Variants in SIAH1 observed in about 807,000 individuals in gnomAD.
SIAH1 encodes E3 ubiquitin-protein ligase SIAH1.
In SIAH1, 2 loss-of-function variants were observed where a neutral mutation model predicts 20.0. The observed-to-expected ratio is 0.10, with a 90% CI of 0.04 to 0.31. The LOEUF (loss-of-function observed/expected upper bound fraction) is 0.31, where lower values mean the gene tolerates loss of function less well. Ranked by LOEUF, SIAH1 falls within the 10% of genes least tolerant of loss-of-function variation. SIAH1 has a pLI of 1.00. For synonymous variants in SIAH1, 118 were observed against 125.3 expected, an observed-to-expected ratio of 0.94 and a Z score of 0.39; for missense variants, 119 against 355.3, an observed-to-expected ratio of 0.33 and a Z score of 5.35.
intron 1 of SIAH1, among the ~76,000 whole-genome samples, chr16:48,381,259 CA>C (rs1961283053): frequency 6.6e-6 from 1 of 152,142 alleles, no homozygotes; most frequent in Non-Finnish European, 1.5e-5. Context: ...GCACGAGAAT[CA>C]CTTGAACCCA....
chr16:48,377,662 C>G (rs541674865), intron 1 of SIAH1, among the ~76,000 whole-genome samples: 1 of 151,980 alleles, frequency 6.6e-6, no homozygotes, highest in African/African-American at 2.4e-5. Context: ...CCCCAAAGTG[C>G]TGGGATTACA....
upstream of SIAH1, among the ~76,000 whole-genome samples, chr16:48,386,795 G>A (rs112568088): frequency 6.5e-3 from 991 of 152,300 alleles, 11 homozygotes; most frequent in African/African-American, 0.023. Context: ...GGGCAGAGGA[G>A]TTCTGTCCTG....
chr16:48,384,447 G>A (rs1281637448), intron 1 of SIAH1, among the ~76,000 whole-genome samples: 1 of 152,162 alleles, frequency 6.6e-6, no homozygotes, highest in Non-Finnish European at 1.5e-5. Flanking sequence ...GGAGAGTTAA[G>A]AAAGGACCCC....
At chr16:48,372,970 A>G (rs1961022904) in intron 1 of SIAH1, among the ~76,000 whole-genome samples, 1 of 152,186 alleles carries the variant, frequency 6.6e-6, no homozygotes, top group Non-Finnish European at 1.5e-5. Context: ...CCTGCCTAAT[A>G]AACTCTGTTC....
At position 48,361,811 on chromosome 16, in the gene SIAH1, G is replaced by A. The variant is rs774602747; in HGVS notation, c.618C>T (p.Phe206=). Residue 206 remains phenylalanine, a synonymous_variant, in exon 2 of 2, where the codon TTC becomes TTT. Transcript: ENST00000394725. ...GTGTTCCTATCAGCTGTACGATTGC[G>A]AAGAACTGCTGGTGACCATCGTATT... ...QEKYDGHQQF[F]AIVQLIGTRK... 1.5e-5 allele frequency: 24 copies of A among 1,614,180 alleles called. No homozygotes were observed. The highest frequency in any genetic ancestry group is 1.2e-4 in the South Asian group (11 of 91,074).
intron 1 of SIAH1, chr16:48,365,407 G>A (rs1960791752): frequency 5.0e-6 from 8 of 1,613,918 alleles, no homozygotes; most frequent in Non-Finnish European, 5.9e-6. Flanking sequence ...CCTTGTCCTG[G>A]CCGCTGGTAA....
At chr16:48,383,042 G>T (rs1000388555) in intron 1 of SIAH1, among the ~76,000 whole-genome samples, 1 of 152,252 alleles carries the variant, frequency 6.6e-6, no homozygotes, top group South Asian at 2.1e-4. Flanking sequence ...AATTTCGTAA[G>T]AACTTCCCGA....
intron 1 of SIAH1, among the ~76,000 whole-genome samples, chr16:48,382,949 G>C (rs1164791579): frequency 6.6e-6 from 1 of 152,144 alleles, no homozygotes; most frequent in African/African-American, 2.4e-5. Flanking sequence ...TACTGACATA[G>C]CTAGATAATT....
intron 1 of SIAH1, among the ~76,000 whole-genome samples, chr16:48,367,275 G>C (rs908197988): frequency 1.3e-5 from 2 of 152,106 alleles, no homozygotes; most frequent in Non-Finnish European, 2.9e-5. Flanking sequence ...CTTCCAAACA[G>C]AACCAAAATG....
intron 1 of SIAH1, chr16:48,365,640 A>G: frequency 7.0e-7 from 1 of 1,428,266 alleles, no homozygotes; most frequent in Non-Finnish European, 9.1e-7. Flanking sequence ...TGGAGAAAGG[A>G]AGCCTTTCCA....
chr16:48,363,792 CCAGG>C (rs1432398164), intron 1 of SIAH1: 1 of 166,654 alleles, frequency 6.0e-6, no homozygotes, highest in African/African-American at 2.4e-5. Flanking sequence ...ATGTAACTAG[CCAGG>C]CTGAGTCAAA....
At chr16:48,375,309 C>G (rs1401187717) in intron 1 of SIAH1, among the ~76,000 whole-genome samples, 1 of 152,154 alleles carries the variant, frequency 6.6e-6, no homozygotes. Flanking sequence ...ATACATCAGA[C>G]TTACTAACAT....
chr16:48,367,963 AT>A (rs146823756), intron 1 of SIAH1, among the ~76,000 whole-genome samples: 2,555 of 152,342 alleles, frequency 0.017, 70 homozygotes, highest in African/African-American at 0.058. Context: ...AAACAAAAAC[AT>A]TTTAGAATCA....
intron 1 of SIAH1, among the ~76,000 whole-genome samples, chr16:48,382,484 A>G (rs1961324745): frequency 6.6e-6 from 1 of 152,238 alleles, no homozygotes; most frequent in African/African-American, 2.4e-5. Flanking sequence ...CTGAGGATAT[A>G]TATTAAAAAC....
chr16:48,366,801 TTAAG>T (rs1167017639), intron 1 of SIAH1, among the ~76,000 whole-genome samples: 1 of 152,230 alleles, frequency 6.6e-6, no homozygotes, highest in East Asian at 1.9e-4. Flanking sequence ...CCTCACTCTA[TTAAG>T]TGTGTTCAAT....
intron 1 of SIAH1, among the ~76,000 whole-genome samples, chr16:48,368,103 T>A (rs940954752): frequency 6.6e-6 from 1 of 152,222 alleles, no homozygotes; most frequent in Non-Finnish European, 1.5e-5. Flanking sequence ...TTTTATAAAT[T>A]ACTTATAAAA....
At chr16:48,377,849 G>T (rs911796948) in intron 1 of SIAH1, among the ~76,000 whole-genome samples, 1 of 151,956 alleles carries the variant, frequency 6.6e-6, no homozygotes, top group African/African-American at 2.4e-5. Context: ...AGGCCGAGGC[G>T]GCAGGATTGC....
chr16:48,362,373 G>T lies in SIAH1; in HGVS notation c.56C>A (p.Ser19Tyr). 2 of 1,614,198 alleles carry T rather than the reference G, an allele frequency of 1.2e-6. No homozygotes were observed. The highest frequency in any genetic ancestry group is 1.7e-6 in the Non-Finnish European group (2 of 1,180,032). Residue 19 changes from serine (S) to tyrosine (Y), a missense_variant, in exon 2 of 2, where the codon TCC becomes TAC. Ser to Tyr is a moderately radical substitution (Grantham distance 144, BLOSUM62 -2). This residue lies in a region of SIAH1 where 35 missense variants were observed against 47.5 expected (regional missense o/e 0.74). Transcript: ENST00000394725. This position sits in a 1 kb window ranked among gnomAD's most constrained non-coding sequence, Gnocchi z 4.2. ...LPTGTSKCPP[S>Y]QRVPALTGTT... ...GCCAGTCAGGGCAGGCACCCTCTGG[G>T]ATGGTGGACACTTCGAGGTACCGGT...
At chr16:48,380,925 T>A (rs1222157604) in intron 1 of SIAH1, among the ~76,000 whole-genome samples, 2 of 560 alleles carry the variant, frequency 3.6e-3, no homozygotes, top group Non-Finnish European at 6.4e-3. Flanking sequence ...TGAGACTCCG[T>A]CTCAAAAAAA....
Sources: gnomAD v4.1 joint callset for allele counts (sites outside exome capture counted in the v4.1 genomes callset) on GRCh38, gnomAD v4.1.1 for gene constraint, gnomAD v4.1.1 regional missense constraint, Gnocchi (gnomAD v3.1) non-coding constraint, MANE v1.5 for transcripts, NCBI Gene and HGNC (gene_info 2026-07-23, HGNC 2026-07-21) for gene names.